The following DCHS2 variants were observed in gnomAD, a reference collection of about 807,000 sequenced individuals.
DCHS2 encodes the protein dachsous cadherin-related 2.
In DCHS2, 142 loss-of-function variants were observed where a neutral mutation model predicts 182.4. That is an observed-to-expected ratio of 0.78 (90% confidence interval 0.68 to 0.89). DCHS2 has a LOEUF of 0.89. Among genes scored for constraint, DCHS2 ranks in the 40% least tolerant of loss-of-function variants. DCHS2 has a pLI of 0.00. For synonymous variants in DCHS2, 1,740 were observed against 1,663.3 expected (o/e 1.05, Z -1.12); for missense variants, 4,319 against 4,198.6 (o/e 1.03, Z -0.79).
At chr4:154,480,550 C>G (rs1004674857) in intron 1 of DCHS2, among the ~76,000 whole-genome samples, 1 of 152,122 alleles carries the variant, frequency 6.6e-6, no homozygotes, top group African/African-American at 2.4e-5. Context: ...TTTTCAAAAG[C>G]ATGAAGGAGA....
intron 16 of DCHS2, among the ~76,000 whole-genome samples, chr4:154,252,984 A>G (rs1330131705): frequency 6.6e-6 from 1 of 151,916 alleles, no homozygotes; most frequent in Non-Finnish European, 1.5e-5. Flanking sequence ...CTGTTTCCAG[A>G]ACATTCACTA....
At chr4:154,445,831 G>T (rs913355644) in intron 1 of DCHS2, among the ~76,000 whole-genome samples, 9 of 146,006 alleles carry the variant, frequency 6.2e-5, no homozygotes, top group Non-Finnish European at 1.4e-4. Context: ...AAAAACGAAA[G>T]AAAGAAAGTA....
intron 1 of DCHS2, among the ~76,000 whole-genome samples, chr4:154,411,109 A>G (rs1732612158): frequency 6.6e-6 from 1 of 152,248 alleles, no homozygotes; most frequent in East Asian, 1.9e-4. Context: ...GGAGAACATT[A>G]TGCTAAATCA....
intron 2 of DCHS2, among the ~76,000 whole-genome samples, chr4:154,371,062 C>G (rs891430131): frequency 1.3e-5 from 2 of 152,042 alleles, no homozygotes; most frequent in African/African-American, 4.8e-5. Context: ...ATGAGAAAGT[C>G]AAGGAACTGA....
intron 14 of DCHS2, chr4:154,269,355 AG>A (rs936156923): frequency 6.6e-6 from 1 of 152,542 alleles, no homozygotes; most frequent in African/African-American, 2.4e-5. Flanking sequence ...TAGTGAAAAA[AG>A]GTATGTTTGA....
intron 12 of DCHS2, among the ~76,000 whole-genome samples, chr4:154,301,495 T>A (rs1735192607): frequency 6.6e-6 from 1 of 151,982 alleles, no homozygotes; most frequent in Non-Finnish European, 1.5e-5. Context: ...TTTATTTATT[T>A]ATTTATTTAT....
intron 1 of DCHS2, among the ~76,000 whole-genome samples, chr4:154,378,089 C>T (rs1393277059): frequency 6.6e-6 from 1 of 152,140 alleles, no homozygotes; most frequent in Non-Finnish European, 1.5e-5. Flanking sequence ...GGAATGAAAT[C>T]CAGCCCATGC....
chr4:154,236,887 T>C lies in DCHS2; in HGVS notation c.7765A>G (p.Ile2589Val). Residue 2589 changes from isoleucine to valine, a missense_variant, in exon 20 of 20, where the codon ATC becomes GTC. By Grantham distance (29) the Ile-to-Val change is conservative (BLOSUM62 3). Coordinates refer to ENST00000357232, the MANE Select transcript of DCHS2 (RefSeq NM_001358235.2). ...TRENTYVEYS[I>V]ISGNSQNNFH... ...TTGTTCTGTGAATTACCACTGATGA[T>C]GGAATATTCAACATATGTGTTTTCA... The C allele has an allele frequency of 1.9e-6, 3 of 1,614,082 alleles. No homozygotes were observed. Among genetic ancestry groups the C allele is most frequent in the Non-Finnish European group, 2.5e-6 (3 of 1,179,948 alleles).
intron 16 of DCHS2, among the ~76,000 whole-genome samples, chr4:154,244,711 T>C (rs1354748320): frequency 6.6e-6 from 1 of 152,186 alleles, no homozygotes; most frequent in Non-Finnish European, 1.5e-5. Flanking sequence ...CTACTATTCA[T>C]GAAGAACACA....
At chr4:154,295,859 G>A (rs1197829490) in intron 13 of DCHS2, among the ~76,000 whole-genome samples, 1 of 152,184 alleles carries the variant, frequency 6.6e-6, no homozygotes, top group Non-Finnish European at 1.5e-5. Flanking sequence ...GCCTTACCAA[G>A]AGTGGAGCCT....
intron 1 of DCHS2, among the ~76,000 whole-genome samples, chr4:154,413,949 T>A (rs1378836601): frequency 2.0e-5 from 3 of 152,204 alleles, no homozygotes; most frequent in African/African-American, 7.2e-5. Context: ...GGTTAATATA[T>A]CTGCTTTATT....
intron 1 of DCHS2, among the ~76,000 whole-genome samples, chr4:154,429,679 C>T (rs1428176542): frequency 6.6e-6 from 1 of 151,340 alleles, no homozygotes; most frequent in Admixed American, 6.6e-5. Context: ...TACCCAATAT[C>T]CTTCCCATAA....
chr4:154,445,507 C>T (rs1579089749), intron 1 of DCHS2, among the ~76,000 whole-genome samples: 1 of 152,152 alleles, frequency 6.6e-6, no homozygotes, highest in South Asian at 2.1e-4. Context: ...TGCACCTCCC[C>T]TTACAACGAA....
chr4:154,243,733 C>T (rs897311037), intron 16 of DCHS2, among the ~76,000 whole-genome samples: 8 of 152,312 alleles, frequency 5.3e-5, no homozygotes, highest in African/African-American at 1.4e-4. Flanking sequence ...AGCCAGTCCC[C>T]TGTAGCCTCA....
chr4:154,321,616 CAT>C (rs1736065737), intron 8 of DCHS2, among the ~76,000 whole-genome samples: 1 of 152,114 alleles, frequency 6.6e-6, no homozygotes, highest in Admixed American at 6.6e-5. Flanking sequence ...ATTTAAGTAT[CAT>C]ATGTCTTTGT....
chr4:154,465,761 T>C (rs1160851279), intron 1 of DCHS2, among the ~76,000 whole-genome samples: 1 of 152,062 alleles, frequency 6.6e-6, no homozygotes, highest in South Asian at 2.1e-4. Flanking sequence ...TAAAGGACAA[T>C]ACACAAGGAT....
chr4:154,236,018 G>A lies in DCHS2; in HGVS notation c.8634C>T (p.Pro2878=). 1.2e-6 allele frequency: 2 copies of A among 1,613,912 alleles called. No homozygotes were observed. Among genetic ancestry groups the A allele is most frequent in the East Asian group, 2.2e-5 (1 of 44,860 alleles). ...VDIEGIDEFE[P]IFTQDQYFFT... ...AAAAATACTGATCTTGAGTGAAAAT[G>A]GGCTCAAATTCATCTATCCCTTCAA... Residue 2878 remains proline (P), a synonymous_variant, in exon 20 of 20, where the codon CCC becomes CCT. Coordinates refer to ENST00000357232, the MANE Select transcript of DCHS2 (RefSeq NM_001358235.2).
At chr4:154,349,284 A>T (rs1226647636) in intron 3 of DCHS2, among the ~76,000 whole-genome samples, 1 of 149,994 alleles carries the variant, frequency 6.7e-6, no homozygotes, top group African/African-American at 2.5e-5. Flanking sequence ...CTTTCTTATC[A>T]TGCCAGCTAA....
At chr4:154,270,600 G>C (rs1733543172) in intron 13 of DCHS2, among the ~76,000 whole-genome samples, 1 of 151,852 alleles carries the variant, frequency 6.6e-6, no homozygotes, top group South Asian at 2.1e-4. Context: ...AAGGAGTAGA[G>C]TAAAATATGA....
Sources: gnomAD v4.1 joint callset for allele counts (sites outside exome capture counted in the v4.1 genomes callset) on GRCh38, gnomAD v4.1.1 for gene constraint, MANE v1.5 for transcripts, NCBI Gene and HGNC (gene_info 2026-07-23, HGNC 2026-07-21) for gene names.